The following TNN variants were observed in gnomAD, a reference collection of about 807,000 sequenced individuals.
TNN encodes the protein tenascin-N.
TNN carries 122 observed loss-of-function variants against 134.4 expected under a neutral mutation model. That is an observed-to-expected ratio of 0.91 (90% CI 0.78 to 1.06). The LOEUF is 1.06. TNN is among the 50% of genes least tolerant of loss of function. The probability of loss-of-function intolerance (pLI) is 0.00; values close to 1 mark genes in which losing one functional copy is unlikely to be tolerated. For synonymous variants in TNN, 710 were observed against 670.3 expected, an observed-to-expected ratio of 1.06 and a Z score of -0.91; for missense variants, 1,739 against 1,699.4, an observed-to-expected ratio of 1.02 and a Z score of -0.41.
At position 175,079,529 on chromosome 1, in the gene TNN, C is replaced by A; in HGVS notation, c.606C>A (p.Cys202Ter). 6.4e-7 allele frequency: 1 copy of A among 1,565,626 alleles called. No homozygotes were observed. Reference protein sequence around the residue: ...YVGADCGYPACPENCSGHGEC... With the variant: ...YVGADCGYPA ...GTGCCGACTGCGGCTACCCGGCCTG[C>A]CCTGAGAACTGCAGCGGACACGGCG... Residue 202 changes from cysteine to a stop codon, truncating the protein, a stop_gained, in exon 3 of 19, where the codon TGC (cysteine) becomes TGA (stop). Transcript: ENST00000239462. LOFTEE classifies it high-confidence loss of function.
chr1:175,129,000 A>C (rs1246023971), intron 15 of TNN, among the ~76,000 whole-genome samples: 2 of 152,186 alleles, frequency 1.3e-5, no homozygotes, highest in Non-Finnish European at 2.9e-5. Context: ...AATGCAAAGC[A>C]AAAGCAAGTT....
chr1:175,094,869 G>A (rs1156446928), intron 7 of TNN, among the ~76,000 whole-genome samples: 2 of 152,158 alleles, frequency 1.3e-5, no homozygotes, highest in African/African-American at 4.8e-5. Flanking sequence ...CCTGGTGCCC[G>A]CATGAGGTTC....
Position 175,135,896 on chromosome 1 carries a change from A to G in TNN, c.3382A>G (p.Ser1128Gly). Residue 1128 changes from serine to glycine, a missense_variant, in exon 16 of 19, where the codon AGC (serine) becomes GGC (glycine). Physicochemically the swap from Ser to Gly is moderately conservative, Grantham distance 56. Transcript: ENST00000239462. ...GCTGGATTTCTTCAAGCGATGGAGG[A>G]GCTATGTGGAAGGCTTTGGGGACCC... ...GQLDFFKRWR[S>G]YVEGFGDPMK... 1 of 1,613,826 alleles carries G rather than the reference A, an allele frequency of 6.2e-7. No individual in the cohort carries two copies. The highest frequency in any genetic ancestry group is 8.5e-7 in the Non-Finnish European group (1 of 1,179,864).
rs201489607 is a variant in TNN at position 175,085,385 on chromosome 1, C to T, written c.1235-20C>T. On this transcript the variant is annotated intron_variant, in intron 5 of 18. Coordinates refer to ENST00000239462, the MANE Select transcript of TNN (RefSeq NM_022093.2). ...GTCTGGAGCCTGCACTCACATCCTG[C>T]GCTGCCTGCTTGTTTCCAGGTCTGC... The T allele has an allele frequency of 1.1e-4, 174 of 1,543,172 alleles. No individual in the cohort carries two copies. In the African/African-American group the frequency reaches 1.5e-3, roughly 13 times the overall value.
intron 9 of TNN, among the ~76,000 whole-genome samples, chr1:175,107,863 A>G (rs1201147468): frequency 7.1e-6 from 1 of 140,204 alleles, no homozygotes; most frequent in Non-Finnish European, 1.5e-5. Context: ...CAGAGCAGCT[A>G]GATACAGAGT....
intron 6 of TNN, among the ~76,000 whole-genome samples, chr1:175,085,929 T>A (rs1558351177): frequency 6.6e-6 from 1 of 151,006 alleles, no homozygotes; most frequent in Non-Finnish European, 1.5e-5. Context: ...AGAGAGTCTA[T>A]CCCTTTATGT....
chr1:175,137,461 G>A (rs940723471), intron 17 of TNN, among the ~76,000 whole-genome samples: 1 of 151,708 alleles, frequency 6.6e-6, no homozygotes, highest in African/African-American at 2.4e-5. Context: ...CAAATAATAA[G>A]AAGTATAGGT....
At chr1:175,116,408 T>C (rs1442778203) in intron 9 of TNN, among the ~76,000 whole-genome samples, 1 of 152,056 alleles carries the variant, frequency 6.6e-6, no homozygotes, top group Non-Finnish European at 1.5e-5. Context: ...ATAAGTGCAA[T>C]AATCATTAAC....
At chr1:175,140,315 C>A (rs1006730835) in intron 17 of TNN, among the ~76,000 whole-genome samples, 1 of 152,202 alleles carries the variant, frequency 6.6e-6, no homozygotes, top group African/African-American at 2.4e-5. Context: ...TTAAAGAAGT[C>A]TACATAAGCT....
At chr1:175,072,651 C>G (rs1673941032) in intron 1 of TNN, among the ~76,000 whole-genome samples, 1 of 152,218 alleles carries the variant, frequency 6.6e-6, no homozygotes, top group African/African-American at 2.4e-5. Flanking sequence ...GGCTTCTCTT[C>G]TTGCTCATTA....
chr1:175,078,304 G>A (rs1211631360), intron 2 of TNN, among the ~76,000 whole-genome samples: 1 of 152,168 alleles, frequency 6.6e-6, no homozygotes, highest in Non-Finnish European at 1.5e-5. Context: ...CTGAGAACTA[G>A]AGATGATGTG....
At chr1:175,090,712 A>G (rs1019025135) in intron 6 of TNN, among the ~76,000 whole-genome samples, 1 of 152,238 alleles carries the variant, frequency 6.6e-6, no homozygotes, top group African/African-American at 2.4e-5. Flanking sequence ...CAGAGCTTCT[A>G]ATTAACCTCC....
chr1:175,115,125 G>C (rs1369396993), intron 9 of TNN, among the ~76,000 whole-genome samples: 2 of 152,084 alleles, frequency 1.3e-5, no homozygotes, highest in African/African-American at 2.4e-5. Flanking sequence ...GCCAACCACT[G>C]CTGTATTTCC....
intron 9 of TNN, among the ~76,000 whole-genome samples, chr1:175,115,935 G>A (rs1245965053): frequency 6.6e-6 from 1 of 152,204 alleles, no homozygotes; most frequent in East Asian, 1.9e-4. Context: ...TGGGCAATGG[G>A]GTGGTGGGGT....
At chr1:175,091,350 C>T (rs1347677717) in intron 6 of TNN, among the ~76,000 whole-genome samples, 1 of 152,168 alleles carries the variant, frequency 6.6e-6, no homozygotes, top group African/African-American at 2.4e-5. Flanking sequence ...TTTAAACCTC[C>T]AGGTCTCCTA....
Position 175,083,570 on chromosome 1 carries a change from C to T in TNN, c.1049-180C>T, listed in dbSNP as rs112932405. Among the ~76,000 whole-genome samples the T allele has an allele frequency of 3.0e-4, 46 of 152,312 alleles. 1 individual carries two copies. Among genetic ancestry groups the T allele is most frequent in the African/African-American group, 1.1e-3 (45 of 41,570 alleles). ...GTCTGCCCATGGAATATGTGAAAACCAGCAGCTTAGTTGCTACTTTGGTAG... is the reference window on the plus strand; with the variant it reads ...GTCTGCCCATGGAATATGTGAAAACTAGCAGCTTAGTTGCTACTTTGGTAG... On this transcript the variant is annotated intron_variant, in intron 4 of 18. Transcript: ENST00000239462.
chr1:175,112,155 G>A (rs1232740009), intron 9 of TNN, among the ~76,000 whole-genome samples: 1 of 151,764 alleles, frequency 6.6e-6, no homozygotes, highest in East Asian at 1.9e-4. Context: ...AGAGTGTTGA[G>A]GTATGCTTTT....
At chr1:175,143,640 G>T (rs1283728363) in intron 17 of TNN, among the ~76,000 whole-genome samples, 1 of 152,150 alleles carries the variant, frequency 6.6e-6, no homozygotes, top group Non-Finnish European at 1.5e-5. Flanking sequence ...TGAGGGCAGA[G>T]AGAAATCTCC....
At chr1:175,112,241 G>A (rs1016804008) in intron 9 of TNN, among the ~76,000 whole-genome samples, 9 of 151,266 alleles carry the variant, frequency 5.9e-5, no homozygotes, top group African/African-American at 2.2e-4. Context: ...CATCTATTGA[G>A]ATGATATTTT....
Sources: gnomAD v4.1 joint callset for allele counts (sites outside exome capture counted in the v4.1 genomes callset) on GRCh38, gnomAD v4.1.1 for gene constraint, MANE v1.5 for transcripts, NCBI Gene and HGNC (gene_info 2026-07-23, HGNC 2026-07-21) for gene names.